ZNF248: variants seen among roughly 807,000 people sequenced by gnomAD.
ZNF248 encodes the protein zinc finger protein 248.
A neutral mutation model predicts 44.3 loss-of-function variants in ZNF248; 20 were observed. That is an observed-to-expected ratio of 0.45 (90% CI 0.32 to 0.66). The LOEUF (loss-of-function observed/expected upper bound fraction) is 0.66. Among genes scored for constraint, ZNF248 ranks in the 30% least tolerant of loss-of-function variants. The probability of loss-of-function intolerance (pLI) is 0.04; values close to 1 mark genes in which losing one functional copy is unlikely to be tolerated. For synonymous variants in ZNF248, 224 were observed against 229.0 expected, an observed-to-expected ratio of 0.98 and a Z score of 0.20; for missense variants, 654 against 677.0, an observed-to-expected ratio of 0.97 and a Z score of 0.38.
chr10:37,804,250 G>A (rs1227952528), intron 6 of ZNF248, among the ~76,000 whole-genome samples: 2 of 149,892 alleles, frequency 1.3e-5, no homozygotes, highest in Non-Finnish European at 1.5e-5. Flanking sequence ...GTACCTGAGG[G>A]TGGTGGTTTG....
At chr10:37,844,061 C>G (rs1469898839) in intron 3 of ZNF248, among the ~76,000 whole-genome samples, 1 of 152,066 alleles carries the variant, frequency 6.6e-6, no homozygotes, top group Non-Finnish European at 1.5e-5. Context: ...ATCTTACATC[C>G]ACAAAGCTCA....
intron 3 of ZNF248, among the ~76,000 whole-genome samples, chr10:37,850,708 T>C (rs2060078863): frequency 6.6e-6 from 1 of 152,116 alleles, no homozygotes; most frequent in Non-Finnish European, 1.5e-5. Context: ...ACAAATTTGT[T>C]GAAAAAAAAT....
intron 3 of ZNF248, among the ~76,000 whole-genome samples, chr10:37,842,563 C>T (rs977499670): frequency 3.3e-5 from 5 of 152,128 alleles, no homozygotes; most frequent in Admixed American, 2.6e-4. Flanking sequence ...GCAGACCTTA[C>T]TTACAAGGAA....
chr10:37,816,114 C>G (rs1823953370), intron 6 of ZNF248, among the ~76,000 whole-genome samples: 1 of 151,916 alleles, frequency 6.6e-6, no homozygotes, highest in African/African-American at 2.4e-5. Context: ...CTTTCTCCAC[C>G]CTAGGCTCTG....
chr10:37,855,234 G>C (rs1170345334), intron 3 of ZNF248, among the ~76,000 whole-genome samples: 1 of 152,110 alleles, frequency 6.6e-6, no homozygotes, highest in Non-Finnish European at 1.5e-5. Context: ...AGTTGTCTCA[G>C]CATAATTATT....
At chr10:37,854,861 T>C (rs1237906362) in intron 3 of ZNF248, among the ~76,000 whole-genome samples, 4 of 152,218 alleles carry the variant, frequency 2.6e-5, no homozygotes, top group Non-Finnish European at 5.9e-5. Context: ...GAGAAACATC[T>C]GTATGCTGTT....
At chr10:37,817,918 T>C (rs1230870779) in intron 6 of ZNF248, among the ~76,000 whole-genome samples, 1 of 151,956 alleles carries the variant, frequency 6.6e-6, no homozygotes, top group Non-Finnish European at 1.5e-5. Context: ...TATTATTTAT[T>C]TATATATTTA....
chr10:37,788,840 T>C (rs1414887764), intron 6 of ZNF248, among the ~76,000 whole-genome samples: 2 of 151,830 alleles, frequency 1.3e-5, no homozygotes, highest in Non-Finnish European at 2.9e-5. Flanking sequence ...GAGTTAGACA[T>C]ACAAGACTAA....
intron 6 of ZNF248, among the ~76,000 whole-genome samples, chr10:37,813,507 C>T (rs1031795497): frequency 2.6e-5 from 4 of 152,174 alleles, no homozygotes; most frequent in South Asian, 2.1e-4. Context: ...CCCTCCTCCT[C>T]ATCAGCCTAT....
chr10:37,790,741 T>TAA (rs202122764), intron 6 of ZNF248, among the ~76,000 whole-genome samples: 7 of 149,268 alleles, frequency 4.7e-5, no homozygotes, highest in East Asian at 3.9e-4. Context: ...AATAATTTTT[T>TAA]AAAAAAATAA....
At chr10:37,768,750 A>G in the ZNF248 span, among the ~76,000 whole-genome samples, 1 of 152,354 alleles carries the variant, frequency 6.6e-6, no homozygotes, top group East Asian at 1.9e-4. Context: ...ATGCTAGCAG[A>G]AGGCAAGAAT....
chr10:37,767,055 A>G, the ZNF248 span, among the ~76,000 whole-genome samples: 4 of 152,160 alleles, frequency 2.6e-5, no homozygotes, highest in Non-Finnish European at 5.9e-5. Flanking sequence ...GAAATGAAGC[A>G]AGAAGGGAAG....
chr10:37,827,120 T>C (rs1396572417), downstream of ZNF248, among the ~76,000 whole-genome samples: 1 of 152,176 alleles, frequency 6.6e-6, no homozygotes, highest in Non-Finnish European at 1.5e-5. Flanking sequence ...CACTATGTCA[T>C]GGGCACCAGT....
chr10:37,802,788 T>A (rs565268513), intron 6 of ZNF248: 42 of 152,332 alleles, frequency 2.8e-4, no homozygotes, highest in African/African-American at 8.7e-4. Flanking sequence ...AAACTTGATG[T>A]GGCTTAATTG....
intron 6 of ZNF248, among the ~76,000 whole-genome samples, chr10:37,792,166 TC>T: frequency 6.6e-6 from 1 of 152,172 alleles, no homozygotes; most frequent in African/African-American, 2.4e-5. Context: ...TCATGATAGC[TC>T]CTCACTACCT....
chr10:37,806,995 T>C (rs369357944), intron 6 of ZNF248, among the ~76,000 whole-genome samples: 8 of 149,176 alleles, frequency 5.4e-5, no homozygotes, highest in Non-Finnish European at 7.4e-5. Context: ...TTTTTTTTTC[T>C]TTTTTTGAGA....
At chr10:37,768,432 C>G in the ZNF248 span, among the ~76,000 whole-genome samples, 13 of 152,138 alleles carry the variant, frequency 8.5e-5, no homozygotes, top group East Asian at 1.9e-4. Flanking sequence ...TCTCAGACCA[C>G]GGTGTGATCA....
At chr10:37,776,103 A>G (rs1262875640), downstream of ZNF248, among the ~76,000 whole-genome samples, 1 of 152,164 alleles carries the variant, frequency 6.6e-6, no homozygotes, top group Non-Finnish European at 1.5e-5. Flanking sequence ...CACAATGGAC[A>G]TGGCGTGAGA....
chr10:37,819,927 A>G, intron 6 of ZNF248: 2 of 771,858 alleles, frequency 2.6e-6, no homozygotes, highest in Non-Finnish European at 4.8e-6. Flanking sequence ...ATTGTTCAGT[A>G]AACGAGGCCC....
Sources: allele counts gnomAD v4.1 joint callset (sites outside exome capture counted in the v4.1 genomes callset), GRCh38; gene constraint gnomAD v4.1.1; transcripts MANE v1.5; gene names NCBI Gene and HGNC (gene_info 2026-07-23, HGNC 2026-07-21).